Variants in LDHAL6A observed in about 807,000 individuals in gnomAD.
LDHAL6A encodes the protein L-lactate dehydrogenase A-like 6A.
A neutral mutation model predicts 28.2 loss-of-function variants in LDHAL6A; 19 were observed. The observed-to-expected ratio is 0.67, with a 90% confidence interval of 0.47 to 0.99. LDHAL6A has a LOEUF of 0.99. LDHAL6A is among the 50% of genes least tolerant of loss of function. The pLI, the probability that LDHAL6A is intolerant of heterozygous loss-of-function variation, is 0.00. For synonymous variants in LDHAL6A, 144 were observed against 134.4 expected (o/e 1.07, Z -0.49); for missense variants, 372 against 398.6 (o/e 0.93, Z 0.57).
chr11:18,476,195 C>T (rs1849376129), intron 4 of LDHAL6A, among the ~76,000 whole-genome samples, 189 bp from the exon 5 acceptor site: 1 of 152,098 alleles, frequency 6.6e-6, no homozygotes, highest in Non-Finnish European at 1.5e-5. Context: ...AGAATCTTTG[C>T]CAAGATAATA....
At chr11:18,463,927 C>A (rs1379436507) in intron 1 of LDHAL6A, 34 bp from the exon 2 acceptor site, 3 of 1,327,344 alleles carry the variant, frequency 2.3e-6, no homozygotes, top group South Asian at 2.4e-5. Flanking sequence ...TCAAGAGATA[C>A]ACTCACACCC....
In LDHAL6A at chr11:18,465,775, G is replaced by A. The variant is rs373597180; in HGVS notation, c.383G>A (p.Ser128Asn). 6.2e-7 allele frequency: 1 copy of A among 1,613,162 alleles called. No individual in the cohort carries two copies. Among genetic ancestry groups the A allele is most frequent in the Non-Finnish European group, 8.5e-7 (1 of 1,179,642 alleles). ...KLMIPNITQY[S>N]PHCKLLIVTN... is the part of the protein sequence containing the mutation. ...ATGATTCCCAATATTACCCAGTACA[G>A]TCCTCACTGCAAACTGCTTATTGTT... The change falls in exon 3 of 7, where the codon AGT becomes AAT. Residue 128 changes from serine (S) to asparagine (N), a missense_variant. Ser to Asn is a conservative substitution (Grantham distance 46). Transcript: ENST00000280706.
chr11:18,479,580 A>G lies in LDHAL6A; in HGVS notation c.*710A>G, dbSNP rs912704739. On this transcript the variant is annotated 3_prime_UTR_variant, in exon 7 of 7. Coordinates refer to ENST00000280706, the MANE Select transcript of LDHAL6A (RefSeq NM_144972.5). Reference sequence around the variant, plus strand: ...AGAGAGTAATCTAAATGTTCCTAACACTAGATAAAACATTGATTTGACCTT... The same window carrying G: ...AGAGAGTAATCTAAATGTTCCTAACGCTAGATAAAACATTGATTTGACCTT... 1.3e-5 allele frequency: 2 copies of G among 152,184 alleles called. No individual in the cohort carries two copies. The highest frequency in any genetic ancestry group is 2.4e-5 in the African/African-American group (1 of 41,446). The allele number at this position is 152,184 out of a possible 1,614,324, so 9.4% of individuals were successfully genotyped here.
intron 2 of LDHAL6A, among the ~76,000 whole-genome samples, chr11:18,465,001 T>TTTTTTTTTTTTTTTTTG (rs1849025165): frequency 3.5e-5 from 5 of 144,504 alleles, no homozygotes; most frequent in African/African-American, 1.1e-4. Context: ...TGTTTTGTTT[T>TTTTTTTTTTTTTTTTTG]GGTTTGTTTT....
chr11:18,459,922 A>AGGTTTTG (rs1848854419), intron 1 of LDHAL6A, among the ~76,000 whole-genome samples: 1 of 151,868 alleles, frequency 6.6e-6, no homozygotes, highest in Non-Finnish European at 1.5e-5. Flanking sequence ...GGTGAGACCG[A>AGGTTTTG]GGTTTTGGGT....
At chr11:18,465,844 G>C (rs1590251634) in intron 3 of LDHAL6A, 34 bp downstream of exon 3, 1 of 1,542,500 alleles carries the variant, frequency 6.5e-7, no homozygotes. Flanking sequence ...TCAACTTTTA[G>C]ATTCGGGGGT....
intron 3 of LDHAL6A, among the ~76,000 whole-genome samples, chr11:18,473,502 A>G (rs1849297006): frequency 1.3e-5 from 2 of 152,220 alleles, no homozygotes; most frequent in Admixed American, 1.3e-4. Context: ...CCTGGGCTCA[A>G]GTGATCCTGT....
At chr11:18,458,289 A>C (rs1251748150) in intron 1 of LDHAL6A, among the ~76,000 whole-genome samples, 1 of 152,190 alleles carries the variant, frequency 6.6e-6, no homozygotes, top group Non-Finnish European at 1.5e-5. Flanking sequence ...TTCCATTGCA[A>C]CTGGTGATGG....
chr11:18,458,096 C>A (rs1293996088), intron 1 of LDHAL6A, among the ~76,000 whole-genome samples: 1 of 152,166 alleles, frequency 6.6e-6, no homozygotes, highest in Non-Finnish European at 1.5e-5. Flanking sequence ...CCTCTGCCAG[C>A]TGCTGCTTGG....
At chr11:18,471,883 A>G (rs961442661) in intron 3 of LDHAL6A, among the ~76,000 whole-genome samples, 2 of 151,306 alleles carry the variant, frequency 1.3e-5, no homozygotes, top group African/African-American at 4.9e-5. Context: ...TTACAAATTA[A>G]AAAGTTCCAG....
At chr11:18,472,072 C>T (rs1565073819) in intron 3 of LDHAL6A, among the ~76,000 whole-genome samples, 2 of 152,160 alleles carry the variant, frequency 1.3e-5, no homozygotes, top group Non-Finnish European at 2.9e-5. Flanking sequence ...CTAGAAAATG[C>T]GGTTGGGTAC....
chr11:18,476,320 G>T, intron 4 of LDHAL6A, 64 bp from the exon 5 acceptor site: 1 of 1,549,580 alleles, frequency 6.5e-7, no homozygotes, highest in Non-Finnish European at 8.7e-7. Context: ...GTTTTGCTGA[G>T]GTCAAAAACC....
intron 1 of LDHAL6A, among the ~76,000 whole-genome samples, chr11:18,461,632 T>C (rs1324184932): frequency 6.6e-6 from 1 of 151,540 alleles, no homozygotes; most frequent in Admixed American, 6.6e-5. Flanking sequence ...AGGCAAATCA[T>C]GAGGTTAGGA....
chr11:18,469,643 G>GT (rs1254800563), intron 3 of LDHAL6A, among the ~76,000 whole-genome samples: 2 of 152,184 alleles, frequency 1.3e-5, no homozygotes, highest in African/African-American at 2.4e-5. Flanking sequence ...AGTGTATGCA[G>GT]TTATAGTACA....
rs754413842 is a variant in LDHAL6A, at chr11:18,456,673, T to C, written c.-8T>C. On this transcript the variant is annotated 5_prime_UTR_variant, in exon 1 of 7. Transcript: ENST00000280706. The stretch of plus-strand genomic sequence containing the variant: ...TGTGCAATTTGTCTTCACTGTTAGG[T>C]TTCCAAGATGGCAACTATCAAGAGT... The C allele has an allele frequency of 6.8e-6, 11 of 1,613,170 alleles. No homozygotes were observed. In the South Asian group the frequency reaches 8.8e-5, roughly 13 times the overall value.
In LDHAL6A at chr11:18,479,397, G is replaced by GCCATCTGGTCCACAAGAATGTGTT. The variant is rs1172919515; in HGVS notation, c.*528_*551dup. 1 of 148,076 alleles carries GCCATCTGGTCCACAAGAATGTGTT rather than the reference G, an allele frequency of 6.8e-6. No individual in the cohort carries two copies. Among genetic ancestry groups the GCCATCTGGTCCACAAGAATGTGTT allele is most frequent in the Non-Finnish European group, 1.5e-5 (1 of 67,524 alleles). The allele number at this position is 148,076 out of a possible 1,614,324, so 9.2% of individuals were successfully genotyped here. On this transcript the variant is annotated 3_prime_UTR_variant, in exon 7 of 7. Coordinates refer to ENST00000280706, the MANE Select transcript of LDHAL6A (RefSeq NM_144972.5). ...ACTTGCCTTGTATGTATACGTAATTGCCATCTGGTCCACAAGAATGTGTTT... is the reference window on the plus strand; with the variant it reads ...ACTTGCCTTGTATGTATACGTAATTGCCATCTGGTCCACAAGAATGTGTTCCATCTGGTCCACAAGAATGTGTTT...
At chr11:18,468,024 C>T (rs1235437597) in intron 3 of LDHAL6A, among the ~76,000 whole-genome samples, 4 of 58,236 alleles carry the variant, frequency 6.9e-5, no homozygotes, top group African/African-American at 1.7e-4. Context: ...CATATATATA[C>T]GTATATATAT....
rs1383750635 is a variant in LDHAL6A at position 18,465,064 on chromosome 11, G to T, written c.245-573G>T. On this transcript the variant is annotated intron_variant, in intron 2 of 6. Transcript: ENST00000280706. ...AGGCTGGACTTGGACTTCTGGGCTC[G>T]TGTGTGATCCTCTTGGTCTCAGCCT... Among the ~76,000 whole-genome samples, 4 of 149,468 alleles carry T rather than the reference G, an allele frequency of 2.7e-5. No individual in the cohort carries two copies. In the Admixed American group the frequency reaches 2.7e-4, roughly 10 times the overall value.
chr11:18,476,551 ACT>A (rs760795359), intron 5 of LDHAL6A, 50 bp downstream of exon 5: 14 of 1,591,896 alleles, frequency 8.8e-6, no homozygotes, highest in East Asian at 4.5e-5. Context: ...GTGAGCCTGA[ACT>A]CTGTTAGAAG....
Sources: gnomAD v4.1 joint callset for allele counts (sites outside exome capture counted in the v4.1 genomes callset) on GRCh38, gnomAD v4.1.1 for gene constraint, MANE v1.5 for transcripts, NCBI Gene and HGNC (gene_info 2026-07-23, HGNC 2026-07-21) for gene names.